Variants in MSTO1 observed in about 807,000 individuals in gnomAD.
MSTO1 encodes misato mitochondrial distribution and morphology regulator 1.
Under a neutral mutation model 55.7 loss-of-function variants are expected in MSTO1, and 24 were observed. The ratio of observed to expected loss-of-function variants is 0.43; its 90% CI spans 0.31 to 0.61. MSTO1 has a LOEUF of 0.61. MSTO1 is among the 20% of genes least tolerant of loss of function. The pLI is 0.09. For synonymous variants in MSTO1, 162 were observed against 252.8 expected, an observed-to-expected ratio of 0.64 and a Z score of 3.41; for missense variants, 363 against 625.7, an observed-to-expected ratio of 0.58 and a Z score of 4.48.
chr1:155,584,578 G>A, the MSTO1 span, among the ~76,000 whole-genome samples: 1 of 142,042 alleles, frequency 7.0e-6, no homozygotes, highest in Admixed American at 7.8e-5. Flanking sequence ...GGCTGAGGCA[G>A]GAGGATCACA....
At chr1:155,607,837 A>C (rs1321936203), upstream of MSTO1, among the ~76,000 whole-genome samples, 1 of 152,174 alleles carries the variant, frequency 6.6e-6, no homozygotes, top group Non-Finnish European at 1.5e-5. Flanking sequence ...TCTGTACAAA[A>C]AATACAAAAA....
chr1:155,609,243 A>ATATATATAT (rs59756178), upstream of MSTO1, among the ~76,000 whole-genome samples: 262 of 54,576 alleles, frequency 4.8e-3, 1 homozygote, highest in Non-Finnish European at 6.1e-3. Flanking sequence ...ATATATATAT[A>ATATATATAT]TTTTTTTTTT....
Position 155,612,543 on chromosome 1 carries a change from T to G in MSTO1, c.939T>G (p.Pro313=). Residue 313 remains proline, a synonymous_variant, in exon 9 of 14, where the codon CCT becomes CCG. Transcript: ENST00000245564. ...GCCTGGGCCTGCGACCCGAGCCACC[T>G]GTCAGCTTCCCTTACCTGCATTATG... ...GGSLGLRPEP[P]VSFPYLHYDA... is the part of the protein sequence containing the mutation. 6.2e-7 allele frequency: 1 copy of G among 1,612,940 alleles called. No homozygotes were observed. Among genetic ancestry groups the G allele is most frequent in the African/African-American group, 1.3e-5 (1 of 74,970 alleles).
At chr1:155,571,200 G>C in the MSTO1 span, among the ~76,000 whole-genome samples, 1 of 152,170 alleles carries the variant, frequency 6.6e-6, no homozygotes, top group East Asian at 1.9e-4. Flanking sequence ...CATGCCTATA[G>C]TCCAAGCTTG....
the MSTO1 span, among the ~76,000 whole-genome samples, chr1:155,599,141 G>A: frequency 2.1e-4 from 32 of 151,458 alleles, no homozygotes; most frequent in African/African-American, 7.8e-4. Flanking sequence ...TCGCACCACT[G>A]CACTCTAGCC....
the MSTO1 span, among the ~76,000 whole-genome samples, chr1:155,588,714 C>T: frequency 2.4e-4 from 36 of 152,200 alleles, no homozygotes; most frequent in East Asian, 6.4e-3. Flanking sequence ...GGTGCTCTTA[C>T]AGCACCAAAG....
At chr1:155,581,798 A>AT in the MSTO1 span, among the ~76,000 whole-genome samples, 170 of 144,234 alleles carry the variant, frequency 1.2e-3, 1 homozygote, top group South Asian at 7.7e-3. Context: ...TTTTACCATA[A>AT]TTTTTTTTTT....
upstream of MSTO1, among the ~76,000 whole-genome samples, chr1:155,607,844 A>G (rs1200836765): frequency 1.3e-5 from 2 of 152,198 alleles, no homozygotes; most frequent in African/African-American, 4.8e-5. Flanking sequence ...AAAAAATACA[A>G]AAATTAGCCG....
chr1:155,587,747 A>G, the MSTO1 span, among the ~76,000 whole-genome samples: 1 of 147,938 alleles, frequency 6.8e-6, no homozygotes, highest in African/African-American at 2.5e-5. Context: ...CCGTCTCAGA[A>G]AAAAAAAAAA....
Position 155,614,582 on chromosome 1 carries a change from C to T in MSTO1, c.*309C>T, listed in dbSNP as rs1435019687. ...CCCTGGGTCCTACTCCATCCTCCAGCCTTTGTCCTTGTCCTGGCCTCCTGC... is the reference window on the plus strand; with the variant it reads ...CCCTGGGTCCTACTCCATCCTCCAGTCTTTGTCCTTGTCCTGGCCTCCTGC... On this transcript the variant is annotated 3_prime_UTR_variant, in exon 14 of 14. Transcript: ENST00000245564. 1 of 630,090 alleles carries T rather than the reference C, an allele frequency of 1.6e-6. No individual in the cohort carries two copies. The highest frequency in any genetic ancestry group is 2.7e-5 in the East Asian group (1 of 36,504). The allele number at this position is 630,090 out of a possible 1,614,324, so 39.0% of individuals were successfully genotyped here.
In MSTO1 at chr1:155,613,220, G is replaced by A. The variant is rs1351158199; in HGVS notation, c.1270G>A (p.Ala424Thr). The A allele has an allele frequency of 6.2e-7, 1 of 1,613,724 alleles. No homozygotes were observed. Residue 424 changes from alanine (A) to threonine (T), a missense_variant, in exon 11 of 14, where the codon GCA becomes ACA. Coordinates refer to ENST00000245564, the MANE Select transcript of MSTO1 (RefSeq NM_018116.4). ...AGTGGTGCTGAGGGGTATAGACAGA[G>A]CATGCCACACAAGGTGAGAGCTGTT... ...QSVVLRGIDRACHTSQLTPGT... is the reference protein window; with the variant it reads ...QSVVLRGIDRTCHTSQLTPGT...
At chr1:155,584,332 C>A in the MSTO1 span, among the ~76,000 whole-genome samples, 23 of 151,834 alleles carry the variant, frequency 1.5e-4, no homozygotes, top group Admixed American at 3.3e-4. Context: ...GTACTCCAGC[C>A]TAGGTGGCAG....
chr1:155,591,941 T>A, the MSTO1 span, among the ~76,000 whole-genome samples: 1 of 152,090 alleles, frequency 6.6e-6, no homozygotes, highest in Non-Finnish European at 1.5e-5. Flanking sequence ...CCACCCTATG[T>A]CAAAAAAAAA....
rs771724913 is a variant in MSTO1 at position 155,611,328 on chromosome 1, C to T, written c.366+37C>T. The T allele has an allele frequency of 1.5e-5, 25 of 1,613,754 alleles. No homozygotes were observed. The Admixed American group carries it at 4.0e-4, about 26-fold the overall frequency. Reference sequence around the variant, plus strand: ...TGTCCTGAACTTTTTAACCCGGTGCCACAACCCGAGGGTCTCCATAGGGGC... The same window carrying T: ...TGTCCTGAACTTTTTAACCCGGTGCTACAACCCGAGGGTCTCCATAGGGGC... On this transcript the variant is annotated intron_variant, in intron 4 of 13. Coordinates refer to ENST00000245564, the MANE Select transcript of MSTO1 (RefSeq NM_018116.4).
the MSTO1 span, among the ~76,000 whole-genome samples, chr1:155,583,209 A>G: frequency 6.7e-6 from 1 of 150,164 alleles, no homozygotes; most frequent in Admixed American, 6.7e-5. Flanking sequence ...TTATTCCCAT[A>G]TAGAAGGTAT....
At chr1:155,601,625 C>CA in the MSTO1 span, among the ~76,000 whole-genome samples, 7 of 151,066 alleles carry the variant, frequency 4.6e-5, no homozygotes, top group East Asian at 1.4e-3. Context: ...GACACTGTCT[C>CA]AAAAAATAAA....
chr1:155,595,491 C>A, the MSTO1 span, among the ~76,000 whole-genome samples: 5 of 119,674 alleles, frequency 4.2e-5, no homozygotes, highest in African/African-American at 6.2e-5. Context: ...ATTTCTTTTT[C>A]TTTTTTTTTT....
intron 11 of MSTO1, 24 bp downstream of exon 11, chr1:155,613,257 G>A: frequency 6.2e-7 from 1 of 1,603,512 alleles, no homozygotes. Flanking sequence ...GTCCTTAGGA[G>A]TCCTTGTCAG....
chr1:155,568,367 C>T, the MSTO1 span, among the ~76,000 whole-genome samples: 6 of 148,078 alleles, frequency 4.1e-5, no homozygotes, highest in South Asian at 2.2e-4. Flanking sequence ...CATGAGCCAC[C>T]GCGCCCAGCC....
Sources: gnomAD v4.1 joint callset for allele counts (sites outside exome capture counted in the v4.1 genomes callset) on GRCh38, gnomAD v4.1.1 for gene constraint, MANE v1.5 for transcripts, NCBI Gene and HGNC (gene_info 2026-07-23, HGNC 2026-07-21) for gene names.